Variants in TSHZ2 observed in about 807,000 individuals in gnomAD.
TSHZ2 encodes the protein teashirt homolog 2.
Under a neutral mutation model 74.4 loss-of-function variants are expected in TSHZ2, and 21 were observed. The ratio of observed to expected loss-of-function variants is 0.28; its 90% CI spans 0.20 to 0.41. The LOEUF is 0.41. Among genes scored for constraint, TSHZ2 ranks in the 10% least tolerant of loss-of-function variants. The pLI is 1.00. For synonymous variants in TSHZ2, 540 were observed against 515.3 expected (o/e 1.05, Z -0.65); for missense variants, 1,244 against 1,293.5 (o/e 0.96, Z 0.59).
intron 2 of TSHZ2, among the ~76,000 whole-genome samples, chr20:53,277,814 C>G (rs1415754737): frequency 6.6e-6 from 1 of 152,198 alleles, no homozygotes; most frequent in East Asian, 1.9e-4. Context: ...TCAAGTCTCT[C>G]CTGTGGAAGC....
intron 2 of TSHZ2, among the ~76,000 whole-genome samples, chr20:53,352,371 G>A (rs1269870873): frequency 1.3e-5 from 2 of 151,122 alleles, no homozygotes; most frequent in East Asian, 1.9e-4. Context: ...TTCTTACAGG[G>A]TCCAATGAGG....
intron 1 of TSHZ2, among the ~76,000 whole-genome samples, chr20:53,174,715 G>A (rs1988284948): frequency 6.6e-6 from 1 of 152,166 alleles, no homozygotes; most frequent in Non-Finnish European, 1.5e-5. Flanking sequence ...GGTCACGTGG[G>A]TTCCAACAAA....
intron 2 of TSHZ2, among the ~76,000 whole-genome samples, chr20:53,395,442 A>G (rs1982412272): frequency 6.6e-6 from 1 of 152,236 alleles, no homozygotes; most frequent in Admixed American, 6.5e-5. Context: ...TGTCTGGGAC[A>G]TTCTGTGACA....
chr20:53,321,691 A>AAAAAAAAAAG (rs1259754222), intron 2 of TSHZ2, among the ~76,000 whole-genome samples: 2 of 148,842 alleles, frequency 1.3e-5, no homozygotes, highest in African/African-American at 2.5e-5. Context: ...CTCAAAAAAA[A>AAAAAAAAAAG]AAAAAAAAAG....
Position 53,493,257 on chromosome 20 carries a change from T to A in TSHZ2, c.*6122T>A, listed in dbSNP as rs1195713455. 2.0e-5 allele frequency: 3 copies of A among 152,228 alleles called. No individual in the cohort carries two copies. Among genetic ancestry groups the A allele is most frequent in the African/African-American group, 7.2e-5 (3 of 41,470 alleles). The allele number at this position is 152,228 out of a possible 1,614,324, so 9.4% of individuals were successfully genotyped here. A position where few individuals can be genotyped will look rare whatever the true frequency, so the allele number is the denominator to read the frequency against. On this transcript the variant is annotated 3_prime_UTR_variant, in exon 3 of 3. Coordinates refer to ENST00000371497, the MANE Select transcript of TSHZ2 (RefSeq NM_173485.6). Reference sequence around the variant, plus strand: ...TTTTTTCCTGGTCATTCTCTTTCAATAGCTTATGAAAGAATTAGATCTGAG... The same window carrying A: ...TTTTTTCCTGGTCATTCTCTTTCAAAAGCTTATGAAAGAATTAGATCTGAG...
At chr20:53,396,050 C>T (rs185360296) in intron 2 of TSHZ2, among the ~76,000 whole-genome samples, 156 of 152,338 alleles carry the variant, frequency 1.0e-3, no homozygotes, top group African/African-American at 3.5e-3. Context: ...ATTCTCCTGC[C>T]TCAGCCTCCC....
intron 1 of TSHZ2, among the ~76,000 whole-genome samples, chr20:53,246,231 TG>T (rs1990200628): frequency 6.6e-6 from 1 of 151,916 alleles, no homozygotes; most frequent in South Asian, 2.1e-4. Flanking sequence ...TTAGTAGAGA[TG>T]GGTTTTCACC....
rs575224134 is a variant in TSHZ2 at position 53,106,331 on chromosome 20, T to A, written c.40+132998T>A. On this transcript the variant is annotated intron_variant, in intron 1 of 2. Coordinates refer to ENST00000371497, the MANE Select transcript of TSHZ2 (RefSeq NM_173485.6). ...AGTGAGGTCATACTGTATTTGTCTC[T>A]CTGAGCCTGGCTTATGTCACTTACC... 2.6e-5 allele frequency among the ~76,000 whole-genome samples: 4 copies of A among 151,292 alleles called. 2 individuals carry two copies. The highest frequency in any genetic ancestry group is 9.7e-5 in the African/African-American group (4 of 41,310).
chr20:53,050,627 A>G (rs1490547442), intron 1 of TSHZ2, among the ~76,000 whole-genome samples: 2 of 152,194 alleles, frequency 1.3e-5, no homozygotes, highest in Non-Finnish European at 2.9e-5. Context: ...CAGACGATGG[A>G]GAAAGTTGAG....
intron 1 of TSHZ2, among the ~76,000 whole-genome samples, chr20:53,056,772 T>C (rs1984653211): frequency 6.6e-6 from 1 of 152,200 alleles, no homozygotes; most frequent in Non-Finnish European, 1.5e-5. Flanking sequence ...CTGGACATGC[T>C]TCAGAACTCC....
Position 53,255,973 on chromosome 20 carries a change from C to G in TSHZ2, c.2515C>G (p.His839Asp). ...EDVSSEVSTL[H>D]KRKGRQSNWN... Reference sequence around the variant, plus strand: ...TGTCTCCAGTGAAGTCTCAACTTTGCATAAAAGAAAAGGCCGGCAGTCCAA... The same window carrying G: ...TGTCTCCAGTGAAGTCTCAACTTTGGATAAAAGAAAAGGCCGGCAGTCCAA... Residue 839 changes from histidine (H) to aspartate (D), a missense_variant, in exon 2 of 3, where the codon CAT becomes GAT. Coordinates refer to ENST00000371497, the MANE Select transcript of TSHZ2 (RefSeq NM_173485.6). The surrounding 1 kb of genome is among the most constrained non-coding windows in gnomAD (Gnocchi z 4.1). 1 of 1,613,930 alleles carries G rather than the reference C, an allele frequency of 6.2e-7. No individual in the cohort carries two copies. The highest frequency in any genetic ancestry group is 8.5e-7 in the Non-Finnish European group (1 of 1,179,862).
chr20:53,465,161 A>AAACTTCATCC (rs1458495442), intron 2 of TSHZ2, among the ~76,000 whole-genome samples: 21 of 152,356 alleles, frequency 1.4e-4, no homozygotes, highest in South Asian at 1.0e-3. Context: ...TAACCTCCCG[A>AAACTTCATCC]AACTTCATCC....
At chr20:53,395,157 A>C (rs2145667149) in intron 2 of TSHZ2, among the ~76,000 whole-genome samples, 1 of 152,358 alleles carries the variant, frequency 6.6e-6, no homozygotes, top group South Asian at 2.1e-4. Context: ...GATCAATGAA[A>C]TAATGTCTGA....
chr20:53,027,481 C>T (rs1437999818), intron 1 of TSHZ2, among the ~76,000 whole-genome samples: 1 of 152,016 alleles, frequency 6.6e-6, no homozygotes, highest in East Asian at 1.9e-4. Flanking sequence ...GCTGAAGTAC[C>T]AGATAGTGGA....
intron 2 of TSHZ2, among the ~76,000 whole-genome samples, chr20:53,469,670 A>AGGGAGGG (rs1985713268): frequency 1.9e-5 from 1 of 52,046 alleles, no homozygotes. Context: ...GGAAGGAAGG[A>AGGGAGGG]AGGAAGGAAG....
At chr20:53,017,467 C>T (rs1287158773) in intron 1 of TSHZ2, among the ~76,000 whole-genome samples, 2 of 152,086 alleles carry the variant, frequency 1.3e-5, no homozygotes, top group African/African-American at 2.4e-5. Context: ...TGATATGTAT[C>T]GTAATGTGTA....
intron 1 of TSHZ2, among the ~76,000 whole-genome samples, chr20:53,034,951 C>T (rs12481726): frequency 0.014 from 2,103 of 152,292 alleles, 62 homozygotes; most frequent in South Asian, 0.11. Context: ...ACTCCAGCAG[C>T]TGTGAAGATT....
intron 2 of TSHZ2, among the ~76,000 whole-genome samples, chr20:53,406,743 C>A (rs570758373): frequency 1.3e-5 from 2 of 152,044 alleles, no homozygotes; most frequent in Non-Finnish European, 2.9e-5. Context: ...GCAAGTCAGG[C>A]GATGAAAGGT....
intron 1 of TSHZ2, among the ~76,000 whole-genome samples, chr20:53,177,321 G>A (rs1988367546): frequency 6.6e-6 from 1 of 152,250 alleles, no homozygotes; most frequent in South Asian, 2.1e-4. Context: ...CTCATGTGAA[G>A]ATGAAGAGTT....
Sources: gnomAD v4.1 joint callset for allele counts (sites outside exome capture counted in the v4.1 genomes callset) on GRCh38, gnomAD v4.1.1 for gene constraint, Gnocchi (gnomAD v3.1) non-coding constraint, MANE v1.5 for transcripts, NCBI Gene and HGNC (gene_info 2026-07-23, HGNC 2026-07-21) for gene names.